CLEC16A: variants seen among roughly 807,000 people sequenced by gnomAD.
CLEC16A encodes the protein C-type lectin domain containing 16A, also known as protein CLEC16A.
CLEC16A carries 51 observed loss-of-function variants against 109.5 expected under a neutral mutation model. That is an observed-to-expected ratio of 0.47 (90% CI 0.37 to 0.59). The LOEUF is 0.59. Ranked by LOEUF, CLEC16A falls within the 20% of genes least tolerant of loss-of-function variation. The pLI is 0.00. For synonymous variants in CLEC16A, 673 were observed against 564.2 expected (o/e 1.19, Z -2.73); for missense variants, 1,339 against 1,394.0 (o/e 0.96, Z 0.63).
chr16:11,178,232 A>G lies in CLEC16A; in HGVS notation c.2807-103A>G. The G allele has an allele frequency of 9.6e-7, 1 of 1,039,210 alleles. No individual in the cohort carries two copies. The highest frequency in any genetic ancestry group is 1.4e-6 in the Non-Finnish European group (1 of 698,070). 64.4% of individuals were successfully genotyped at this position (1,039,210 alleles called of 1,614,324 possible). On this transcript the variant is annotated intron_variant, in intron 23 of 23. Coordinates refer to ENST00000409790, the MANE Select transcript of CLEC16A (RefSeq NM_015226.3). This position sits in a 1 kb window ranked among gnomAD's most constrained non-coding sequence, Gnocchi z 6.5. ...CCCTCACGCCAGCCAGCCACCTCCCACCTAGCTCACCAGGGCCGCGGTTCA... is the reference window on the plus strand; with the variant it reads ...CCCTCACGCCAGCCAGCCACCTCCCGCCTAGCTCACCAGGGCCGCGGTTCA...
intron 19 of CLEC16A, among the ~76,000 whole-genome samples, chr16:11,112,808 C>G (rs1388451804): frequency 6.6e-6 from 1 of 152,204 alleles, no homozygotes; most frequent in Non-Finnish European, 1.5e-5. Context: ...GGAGGCATGC[C>G]ATACCTTCAG....
intron 22 of CLEC16A, among the ~76,000 whole-genome samples, chr16:11,153,951 A>G (rs1411749253): frequency 6.6e-6 from 1 of 152,180 alleles, no homozygotes; most frequent in African/African-American, 2.4e-5. Flanking sequence ...TTTGTGGGTC[A>G]TCTGTCAAGA....
At chr16:11,076,934 T>C (rs1848529308) in intron 19 of CLEC16A, among the ~76,000 whole-genome samples, 1 of 152,202 alleles carries the variant, frequency 6.6e-6, no homozygotes, top group South Asian at 2.1e-4. Context: ...ATGGGTTCTA[T>C]TCAGATTAGG....
chr16:11,061,900 C>T (rs1380646675), intron 19 of CLEC16A, among the ~76,000 whole-genome samples: 1 of 152,212 alleles, frequency 6.6e-6, no homozygotes, highest in East Asian at 1.9e-4. Context: ...TCTGTTCATC[C>T]TCAGGAGGGC....
chr16:11,133,185 A>G (rs2053335791), intron 22 of CLEC16A, among the ~76,000 whole-genome samples: 2 of 152,116 alleles, frequency 1.3e-5, no homozygotes, highest in Admixed American at 6.5e-5. Flanking sequence ...CTAAAAGTAC[A>G]AAAATTATCC....
intron 7 of CLEC16A, among the ~76,000 whole-genome samples, chr16:10,973,779 C>T (rs2042906550): frequency 6.6e-6 from 1 of 151,276 alleles, no homozygotes; most frequent in Non-Finnish European, 1.5e-5. Flanking sequence ...TCATGTTGCC[C>T]AGGCCAATCT....
intron 22 of CLEC16A, 127 bp downstream of exon 22, chr16:11,126,273 C>A: frequency 6.4e-7 from 1 of 1,552,186 alleles, no homozygotes; most frequent in East Asian, 2.4e-5. Context: ...GCAGCACCAG[C>A]TTCTTAGAAT....
At chr16:11,120,862 C>G in intron 20 of CLEC16A, 96 bp downstream of exon 20, 1 of 1,168,788 alleles carries the variant, frequency 8.6e-7, no homozygotes. Context: ...TCATCTTTAT[C>G]ATTAATTTGT....
intron 10 of CLEC16A, among the ~76,000 whole-genome samples, chr16:10,988,708 A>T (rs1376832037): frequency 6.6e-6 from 1 of 152,040 alleles, no homozygotes; most frequent in African/African-American, 2.4e-5. Flanking sequence ...TGCTGTAACC[A>T]GTTTCCCTGG....
At chr16:11,110,472 G>A (rs934582139) in intron 19 of CLEC16A, among the ~76,000 whole-genome samples, 6 of 152,156 alleles carry the variant, frequency 3.9e-5, no homozygotes, top group Non-Finnish European at 8.8e-5. Flanking sequence ...ATGACCTTAC[G>A]GGAATTCTGA....
intron 10 of CLEC16A, among the ~76,000 whole-genome samples, chr16:10,989,469 A>C (rs1331844519): frequency 6.6e-6 from 1 of 152,058 alleles, no homozygotes; most frequent in African/African-American, 2.4e-5. Context: ...TCCTGGGCTC[A>C]AACAATTCAC....
intron 2 of CLEC16A, among the ~76,000 whole-genome samples, chr16:10,960,537 A>G (rs1032051152): frequency 1.3e-5 from 2 of 152,092 alleles, no homozygotes; most frequent in African/African-American, 4.8e-5. Context: ...TACCTTTATC[A>G]CCTGGTTAAG....
intron 22 of CLEC16A, among the ~76,000 whole-genome samples, chr16:11,138,402 AT>A (rs1309870082): frequency 1.4e-4 from 21 of 152,312 alleles, no homozygotes; most frequent in African/African-American, 5.1e-4. Context: ...CATGGTTCGA[AT>A]TTTATCCTAG....
Position 11,024,863 on chromosome 16 carries a change from T to C in CLEC16A, c.1479T>C (p.Asp493=). 3.7e-6 allele frequency: 6 copies of C among 1,610,044 alleles called. No homozygotes were observed. The highest frequency in any genetic ancestry group is 5.1e-6 in the Non-Finnish European group (6 of 1,178,240). ...TGTACCACGCGCTGGACAGCCCGGA[T>C]GATGATTACCATGCCCTGTTCGTGC... is the stretch of plus-strand genomic sequence containing the variant. ...DMVYHALDSP[D]DDYHALFVLC... is the part of the protein sequence containing the mutation. Residue 493 remains aspartate (D), a synonymous_variant, in exon 13 of 24, where the codon GAT becomes GAC. Coordinates refer to ENST00000409790, the MANE Select transcript of CLEC16A (RefSeq NM_015226.3).
intron 15 of CLEC16A, among the ~76,000 whole-genome samples, chr16:11,042,689 A>G (rs1016608822): frequency 1.3e-5 from 2 of 152,192 alleles, no homozygotes; most frequent in Non-Finnish European, 2.9e-5. Context: ...ACACATCAAC[A>G]CACATACACA....
At chr16:11,006,707 T>TTTG (rs1238352940) in intron 11 of CLEC16A, among the ~76,000 whole-genome samples, 2 of 152,038 alleles carry the variant, frequency 1.3e-5, no homozygotes, top group African/African-American at 2.4e-5. Flanking sequence ...TGTGTATTGT[T>TTTG]TTGTTGTTGT....
At chr16:11,108,784 G>T (rs916787805) in intron 19 of CLEC16A, among the ~76,000 whole-genome samples, 1 of 152,166 alleles carries the variant, frequency 6.6e-6, no homozygotes, top group African/African-American at 2.4e-5. Context: ...ACTTTATAAA[G>T]GTTGGTCTTG....
Position 11,149,254 on chromosome 16 carries a change from A to G in CLEC16A, c.2642-17134A>G, listed in dbSNP as rs190290123. ...CCCTGGGGATGAGCTGATAACAGGA[A>G]TGGATGGAACCGGTCAGCTGTTTTG... On this transcript the variant is annotated intron_variant, in intron 22 of 23. Coordinates refer to ENST00000409790, the MANE Select transcript of CLEC16A (RefSeq NM_015226.3). Among the ~76,000 whole-genome samples the G allele has an allele frequency of 7.2e-5, 11 of 152,264 alleles. No individual in the cohort carries two copies. In the East Asian group the frequency reaches 2.1e-3, roughly 29 times the overall value.
chr16:11,038,400 T>C lies in CLEC16A; in HGVS notation c.1538-1354T>C, dbSNP rs1383276658. Among the ~76,000 whole-genome samples the C allele has an allele frequency of 3.3e-5, 5 of 152,274 alleles. No homozygotes were observed. The East Asian group carries it at 9.6e-4, about 29-fold the overall frequency. ...ATCCATTCAGTTCTCCAAGCTTGGATCAAGCAAAATATTTGTTTCTGTAAG... is the reference window on the plus strand; with the variant it reads ...ATCCATTCAGTTCTCCAAGCTTGGACCAAGCAAAATATTTGTTTCTGTAAG... On this transcript the variant is annotated intron_variant, in intron 13 of 23. Transcript: ENST00000409790.
Sources: gnomAD v4.1 joint callset for allele counts (sites outside exome capture counted in the v4.1 genomes callset) on GRCh38, gnomAD v4.1.1 for gene constraint, Gnocchi (gnomAD v3.1) non-coding constraint, MANE v1.5 for transcripts, NCBI Gene and HGNC (gene_info 2026-07-23, HGNC 2026-07-21) for gene names.